The following TRIM33 variants were observed in gnomAD, a reference collection of about 807,000 sequenced individuals.
TRIM33 encodes tripartite motif containing 33, also known as E3 ubiquitin-protein ligase TRIM33.
In TRIM33, 20 loss-of-function variants were observed where a neutral mutation model predicts 125.4. That is an observed-to-expected ratio of 0.16 (90% CI 0.11 to 0.23). The LOEUF (loss-of-function observed/expected upper bound fraction) is 0.23, where lower values mean the gene tolerates loss of function less well. TRIM33 is among the 10% of genes least tolerant of loss of function. TRIM33 has a pLI of 1.00. For missense variants in TRIM33, 920 were observed against 1,411.4 expected, an observed-to-expected ratio of 0.65 and a Z score of 5.58; for synonymous variants, 564 against 513.9, an observed-to-expected ratio of 1.10 and a Z score of -1.32.
intron 12 of TRIM33, 30 bp from the exon 13 acceptor site, chr1:114,408,770 A>T: frequency 7.2e-7 from 1 of 1,391,486 alleles, no homozygotes; most frequent in Non-Finnish European, 1.0e-6. Context: ...AATGAATATC[A>T]ATGCATATAA....
In TRIM33 at chr1:114,397,589, G is replaced by GGTTTTTTTTTT. The variant is rs1651608861; in HGVS notation, c.*58_*59insAAAAAAAAAAC. The GGTTTTTTTTTT allele has an allele frequency of 1.6e-6, 1 of 612,118 alleles. No homozygotes were observed. Among genetic ancestry groups the GGTTTTTTTTTT allele is most frequent in the African/African-American group, 2.8e-5 (1 of 35,850 alleles). The allele number at this position is 612,118 out of a possible 1,614,324, so 37.9% of individuals were successfully genotyped here. ...CTTAAAAGTTTTCTGGGTTTTTTGTGTTTTTTTTTTTTTTTTCGTTTTTTT... is the reference window on the plus strand; with the variant it reads ...CTTAAAAGTTTTCTGGGTTTTTTGTGGTTTTTTTTTTTTTTTTTTTTTTTTTTCGTTTTTTT... On this transcript the variant is annotated 3_prime_UTR_variant, in exon 20 of 20. Coordinates refer to ENST00000358465, the MANE Select transcript of TRIM33 (RefSeq NM_015906.4).
At chr1:114,402,738 A>T (rs1399374198) in intron 16 of TRIM33, 22 bp downstream of exon 16, 1 of 1,607,408 alleles carries the variant, frequency 6.2e-7, no homozygotes, top group Admixed American at 1.7e-5. Context: ...CCCAGTGACA[A>T]ATCAACTTAT....
chr1:114,483,844 A>C (rs1237956834), intron 1 of TRIM33, among the ~76,000 whole-genome samples: 1 of 152,226 alleles, frequency 6.6e-6, no homozygotes, highest in Non-Finnish European at 1.5e-5. Flanking sequence ...CATAAGACAA[A>C]GACATCACAG....
intron 1 of TRIM33, among the ~76,000 whole-genome samples, chr1:114,471,251 A>AT (rs1314208887): frequency 6.6e-6 from 1 of 152,186 alleles, no homozygotes; most frequent in African/African-American, 2.4e-5. Flanking sequence ...GATCAAGACC[A>AT]TCCTGGCCAA....
At chr1:114,431,276 A>G (rs992860081) in intron 5 of TRIM33, among the ~76,000 whole-genome samples, 3 of 152,244 alleles carry the variant, frequency 2.0e-5, no homozygotes, top group African/African-American at 7.2e-5. Flanking sequence ...TTCCAAGAAC[A>G]ATGTGCAAAA....
At chr1:114,478,235 C>G (rs1270792986) in intron 1 of TRIM33, among the ~76,000 whole-genome samples, 1 of 152,198 alleles carries the variant, frequency 6.6e-6, no homozygotes, top group East Asian at 1.9e-4. Flanking sequence ...TCTGAAAAAT[C>G]AGTAGTTTTA....
At chr1:114,499,845 A>G (rs1430210313) in intron 1 of TRIM33, among the ~76,000 whole-genome samples, 2 of 152,194 alleles carry the variant, frequency 1.3e-5, no homozygotes, top group Non-Finnish European at 2.9e-5. Flanking sequence ...AAATATAAAT[A>G]TGAAATCAGT....
At chr1:114,490,942 G>A (rs1225714827) in intron 1 of TRIM33, 1 of 152,166 alleles carries the variant, frequency 6.6e-6, no homozygotes, top group Non-Finnish European at 1.5e-5. Context: ...TGTAAGAAAT[G>A]TCCAGAATAG....
chr1:114,445,943 C>T (rs1248123930), intron 4 of TRIM33, among the ~76,000 whole-genome samples: 4 of 152,034 alleles, frequency 2.6e-5, no homozygotes, highest in South Asian at 2.1e-4. Flanking sequence ...CTGCAACCTC[C>T]GCCTCCTGGG....
In TRIM33 at chr1:114,405,560, C is replaced by G; in HGVS notation, c.2618G>C (p.Arg873Thr). ...TTTATTGTTGCCATCTCCTCCAATC[C>G]TTGCCGACCTGTGCATGAGGCTTCG... Reference protein sequence around the residue: ...PIRSLMHRSARIGGDGNNKDD... With the variant: ...PIRSLMHRSATIGGDGNNKDD... Residue 873 changes from arginine (R) to threonine (T), a missense_variant, in exon 15 of 20, where the codon AGG becomes ACG. Coordinates refer to ENST00000358465, the MANE Select transcript of TRIM33 (RefSeq NM_015906.4). The G allele has an allele frequency of 6.2e-7, 1 of 1,614,228 alleles. No individual in the cohort carries two copies.
At chr1:114,481,604 G>C (rs973375073) in intron 1 of TRIM33, among the ~76,000 whole-genome samples, 1 of 137,284 alleles carries the variant, frequency 7.3e-6, no homozygotes, top group Non-Finnish European at 1.6e-5. Context: ...AAAAACCCAA[G>C]AAAAACAAAA....
In TRIM33 at chr1:114,487,903, CAAAAAAAAAAAA is replaced by C. The variant is rs573681532; in HGVS notation, c.526+22636_526+22647del. On this transcript the variant is annotated intron_variant, in intron 1 of 19. Transcript: ENST00000358465. ...TGGGCGACAGAGCGAGACTCCGTCT[CAAAAAAAAAAAA>C]AAAAAAAAAAAAAAATGAGAGTAAA... Among the ~76,000 whole-genome samples the C allele has an allele frequency of 3.0e-4, 11 of 36,636 alleles. No individual in the cohort carries two copies. In the East Asian group the frequency reaches 6.8e-3, roughly 23 times the overall value. The allele number at this position is 36,636 out of a possible 152,430, so 24.0% of individuals were successfully genotyped here. A position where few individuals can be genotyped will look rare whatever the true frequency, so the allele number is the denominator to read the frequency against.
chr1:114,481,591 A>G (rs373388999), intron 1 of TRIM33, among the ~76,000 whole-genome samples: 21 of 151,612 alleles, frequency 1.4e-4, no homozygotes, highest in African/African-American at 3.9e-4. Flanking sequence ...ACACTGTCCG[A>G]AAAAAAACCC....
chr1:114,405,576 T>TGCA lies in TRIM33; in HGVS notation c.2601_2602insTGC (p.Leu867_Met868insCys). 1 of 1,614,084 alleles carries TGCA rather than the reference T, an allele frequency of 6.2e-7. No homozygotes were observed. Among genetic ancestry groups the TGCA allele is most frequent in the Non-Finnish European group, 8.5e-7 (1 of 1,179,898 alleles). ...CCTCCAATCCTTGCCGACCTGTGCA[T>TGCA]GAGGCTTCGAATTGGGGACTTTCCA... On this transcript the variant is annotated inframe_insertion, in exon 15 of 20. Coordinates refer to ENST00000358465, the MANE Select transcript of TRIM33 (RefSeq NM_015906.4).
At chr1:114,497,389 C>T (rs554519559) in intron 1 of TRIM33, among the ~76,000 whole-genome samples, 104 of 152,192 alleles carry the variant, frequency 6.8e-4, no homozygotes, top group African/African-American at 1.7e-3. Flanking sequence ...CTCTGCCTCC[C>T]GGGTTCAAGA....
At chr1:114,425,763 T>G (rs1184169870) in intron 8 of TRIM33, 40 bp from the exon 9 acceptor site, 1 of 1,412,094 alleles carries the variant, frequency 7.1e-7, no homozygotes, top group African/African-American at 1.4e-5. Flanking sequence ...TATAATCAAC[T>G]AAATCATCTA....
In TRIM33 at chr1:114,501,211, A is replaced by G. The variant is rs949796588; in HGVS notation, c.526+9340T>C. 4.6e-5 allele frequency among the ~76,000 whole-genome samples: 7 copies of G among 151,668 alleles called. 2 individuals are homozygous for G. Among genetic ancestry groups the G allele is most frequent in the Non-Finnish European group, 7.4e-5 (5 of 67,916 alleles). ...TCTCAAAAAAAAAAAAAAAAAAAAAAAGAATTTGGGAGGGACTTGGCAGGC... is the reference window on the plus strand; with the variant it reads ...TCTCAAAAAAAAAAAAAAAAAAAAAGAGAATTTGGGAGGGACTTGGCAGGC... On this transcript the variant is annotated intron_variant, in intron 1 of 19. Coordinates refer to ENST00000358465, the MANE Select transcript of TRIM33 (RefSeq NM_015906.4).
chr1:114,417,224 T>C (rs182550331), intron 11 of TRIM33, among the ~76,000 whole-genome samples: 3 of 152,188 alleles, frequency 2.0e-5, no homozygotes, highest in South Asian at 4.1e-4. Flanking sequence ...TGACTGCTAA[T>C]GAGTACCATT....
intron 11 of TRIM33, among the ~76,000 whole-genome samples, chr1:114,417,552 C>T (rs1653015688): frequency 1.3e-5 from 2 of 152,286 alleles, no homozygotes; most frequent in South Asian, 4.1e-4. Flanking sequence ...TCCAGGCCTA[C>T]AATCCCACAC....
Sources: gnomAD v4.1 joint callset for allele counts (sites outside exome capture counted in the v4.1 genomes callset) on GRCh38, gnomAD v4.1.1 for gene constraint, MANE v1.5 for transcripts, NCBI Gene and HGNC (gene_info 2026-07-23, HGNC 2026-07-21) for gene names.